Variants in THSD7B observed in about 807,000 individuals in gnomAD.
THSD7B encodes thrombospondin type 1 domain containing 7B, also known as thrombospondin type-1 domain-containing protein 7B.
Under a neutral mutation model 213.6 loss-of-function variants are expected in THSD7B, and 138 were observed. The ratio of observed to expected loss-of-function variants is 0.65; its 90% confidence interval spans 0.56 to 0.74. The LOEUF (loss-of-function observed/expected upper bound fraction) is 0.74, where lower values mean the gene tolerates loss of function less well. Ranked by LOEUF, THSD7B falls within the 30% of genes least tolerant of loss-of-function variation. The probability of loss-of-function intolerance (pLI) is 0.00; values close to 1 mark genes in which losing one functional copy is unlikely to be tolerated. For missense variants in THSD7B, 1,931 were observed against 1,991.5 expected (o/e 0.97, Z 0.58); for synonymous variants, 742 against 687.0 (o/e 1.08, Z -1.25).
At chr2:137,260,534 G>A (rs539562359) in intron 10 of THSD7B, among the ~76,000 whole-genome samples, 58 of 152,248 alleles carry the variant, frequency 3.8e-4, no homozygotes, top group Non-Finnish European at 7.6e-4. Context: ...AGGTCAAGGC[G>A]GGAGGATTCC....
At position 137,275,989 on chromosome 2, in the gene THSD7B, C is replaced by G; in HGVS notation, c.2463C>G (p.Gly821=). ...AGTCTGTCTGGCAGGGAATAACGGG[C>G]AGCAGTGAAGCCTGTGGAAAGGGGT... ...VPESVWQGIT[G]SSEACGKGLQ... Residue 821 remains glycine, a synonymous_variant, in exon 12 of 28, where the codon GGC becomes GGG. Transcript: ENST00000409968. The G allele has an allele frequency of 6.2e-7, 1 of 1,612,108 alleles. No homozygotes were observed. The highest frequency in any genetic ancestry group is 1.1e-5 in the South Asian group (1 of 91,004).
At chr2:137,321,468 T>C (rs1684263978) in intron 12 of THSD7B, among the ~76,000 whole-genome samples, 4 of 152,198 alleles carry the variant, frequency 2.6e-5, no homozygotes, top group Admixed American at 2.6e-4. Context: ...GACATATTCT[T>C]ATCTGGTCAC....
At chr2:136,848,068 A>G (rs961054775) in intron 1 of THSD7B, among the ~76,000 whole-genome samples, 4 of 152,194 alleles carry the variant, frequency 2.6e-5, no homozygotes, top group Non-Finnish European at 5.9e-5. Flanking sequence ...CTGCAAATAC[A>G]GAGACCATTA....
At chr2:136,962,876 A>T (rs987187285) in intron 2 of THSD7B, among the ~76,000 whole-genome samples, 2 of 152,236 alleles carry the variant, frequency 1.3e-5, no homozygotes, top group East Asian at 3.8e-4. Flanking sequence ...GTTATAAAAC[A>T]GACACACATT....
intron 1 of THSD7B, among the ~76,000 whole-genome samples, chr2:136,864,506 T>C (rs1683301701): frequency 6.6e-6 from 1 of 152,164 alleles, no homozygotes; most frequent in Non-Finnish European, 1.5e-5. Flanking sequence ...TAATATTGAG[T>C]TACTTTTTAA....
At chr2:137,228,158 T>TTTC (rs10624718) in intron 7 of THSD7B, among the ~76,000 whole-genome samples, 50,570 of 148,952 alleles carry the variant, frequency 0.34, 8,670 homozygotes, top group East Asian at 0.46. Context: ...TTTTTTTTTT[T>TTTC]TCAAGATTTC....
intron 15 of THSD7B, among the ~76,000 whole-genome samples, chr2:137,526,838 T>C (rs1471722098): frequency 6.6e-6 from 1 of 151,996 alleles, no homozygotes; most frequent in Admixed American, 6.6e-5. Context: ...AGAGGGGAGG[T>C]GTCTTGGAGG....
At chr2:137,022,563 A>G (rs941420600) in intron 2 of THSD7B, among the ~76,000 whole-genome samples, 5 of 152,136 alleles carry the variant, frequency 3.3e-5, no homozygotes, top group African/African-American at 1.2e-4. Flanking sequence ...TTTTATATGA[A>G]TAACACATTG....
chr2:137,381,753 G>T (rs1239428589), intron 12 of THSD7B, among the ~76,000 whole-genome samples: 1 of 152,220 alleles, frequency 6.6e-6, no homozygotes, highest in Non-Finnish European at 1.5e-5. Context: ...GGAGACAGTT[G>T]TCTTTGGAAC....
chr2:136,876,312 T>C (rs1683525387), intron 1 of THSD7B, among the ~76,000 whole-genome samples: 1 of 152,184 alleles, frequency 6.6e-6, no homozygotes, highest in Admixed American at 6.5e-5. Flanking sequence ...CTAATTTGCT[T>C]TGTAGGATTC....
chr2:137,633,198 G>T (rs1489199127), intron 20 of THSD7B, among the ~76,000 whole-genome samples: 1 of 152,198 alleles, frequency 6.6e-6, no homozygotes, highest in Non-Finnish European at 1.5e-5. Context: ...TTTGTTAAGA[G>T]AAGTGAGAAG....
intron 15 of THSD7B, among the ~76,000 whole-genome samples, chr2:137,503,718 C>T (rs1461734707): frequency 6.6e-6 from 1 of 152,114 alleles, no homozygotes; most frequent in African/African-American, 2.4e-5. Flanking sequence ...ACAACACCCA[C>T]TTATAGAGTA....
chr2:137,667,279 T>A (rs1282552729), intron 26 of THSD7B, among the ~76,000 whole-genome samples: 1 of 152,172 alleles, frequency 6.6e-6, no homozygotes, highest in Non-Finnish European at 1.5e-5. Context: ...TTTTTCTTCA[T>A]TTGAGAGCTG....
chr2:136,825,570 T>C lies in THSD7B; in HGVS notation c.-35-56574T>C, dbSNP rs111744094. On this transcript the variant is annotated intron_variant, in intron 1 of 27. Transcript: ENST00000409968. ...CAGGAGAGATTCCTCTCTTTCTTTT[T>C]TTTAGACAGAGTCTTGCTCTGTCGC... Among the ~76,000 whole-genome samples, 1,452 of 152,228 alleles carry C rather than the reference T, an allele frequency of 9.5e-3. 17 individuals carry two copies. The highest frequency in any genetic ancestry group is 0.031 in the Middle Eastern group (9 of 294).
chr2:137,229,857 G>A (rs1307049315), intron 7 of THSD7B, among the ~76,000 whole-genome samples: 2 of 152,128 alleles, frequency 1.3e-5, no homozygotes, highest in African/African-American at 4.8e-5. Context: ...AATGATATAT[G>A]CAAAACACAG....
chr2:136,769,879 G>A (rs1573630270), intron 1 of THSD7B, among the ~76,000 whole-genome samples: 2 of 152,330 alleles, frequency 1.3e-5, no homozygotes, highest in South Asian at 2.1e-4. Flanking sequence ...GTGTTTTGCA[G>A]CAAGGGACAT....
At chr2:137,302,520 A>T (rs1202275) in intron 12 of THSD7B, among the ~76,000 whole-genome samples, 1 of 152,078 alleles carries the variant, frequency 6.6e-6, no homozygotes, top group African/African-American at 2.4e-5. Flanking sequence ...AGAGCATGCC[A>T]TCGTGAGTTC....
intron 15 of THSD7B, among the ~76,000 whole-genome samples, chr2:137,533,896 T>C (rs1405663780): frequency 6.6e-6 from 1 of 151,824 alleles, no homozygotes; most frequent in East Asian, 1.9e-4. Flanking sequence ...ACTAAACAAT[T>C]AATTTGGCAA....
chr2:136,994,383 G>A (rs1685841526), intron 2 of THSD7B, among the ~76,000 whole-genome samples: 3 of 152,080 alleles, frequency 2.0e-5, no homozygotes, highest in Admixed American at 1.3e-4. Context: ...TGGCTAACAC[G>A]GTGAAACCCC....
Sources: gnomAD v4.1 joint callset for allele counts (sites outside exome capture counted in the v4.1 genomes callset) on GRCh38, gnomAD v4.1.1 for gene constraint, MANE v1.5 for transcripts, NCBI Gene and HGNC (gene_info 2026-07-23, HGNC 2026-07-21) for gene names.